FLVCR1: variants seen among roughly 807,000 people sequenced by gnomAD.
FLVCR1 encodes the protein FLVCR choline and heme transporter 1.
In FLVCR1, 34 loss-of-function variants were observed where a neutral mutation model predicts 53.6. The observed-to-expected ratio is 0.63, with a 90% CI of 0.48 to 0.84. FLVCR1 has a LOEUF of 0.84. Among genes scored for constraint, FLVCR1 ranks in the 40% least tolerant of loss-of-function variants. The pLI is 0.00. For synonymous variants in FLVCR1, 300 were observed against 286.3 expected, an observed-to-expected ratio of 1.05 and a Z score of -0.48; for missense variants, 677 against 696.7, an observed-to-expected ratio of 0.97 and a Z score of 0.32.
chr1:212,859,075 GC>G lies in FLVCR1; in HGVS notation c.624del (p.Leu209CysfsTer51). 3 of 1,613,598 alleles carry G rather than the reference GC, an allele frequency of 1.9e-6. No homozygotes were observed. The highest frequency in any genetic ancestry group is 2.5e-6 in the Non-Finnish European group (3 of 1,179,770). On this transcript the variant is annotated frameshift_variant, in exon 1 of 10. Transcript: ENST00000366971. LOFTEE classifies it high-confidence loss of function. ...TTCTGGGTCACCATGTTGGGCCAGT[GC>G]TTGTGCTCGGTGGCCCAGGTGTTCA... ...HLFWVTMLGQCLCSVAQVFIL... is the reference protein window; with the variant it reads ...HLFWVTMLGQXLCSVAQVFIL...
chr1:212,895,265 C>T lies in FLVCR1; in HGVS notation c.1643C>T (p.Ser548Phe). The T allele has an allele frequency of 6.2e-7, 1 of 1,613,262 alleles. No individual in the cohort carries two copies. Among genetic ancestry groups the T allele is most frequent in the Non-Finnish European group, 8.5e-7 (1 of 1,179,402 alleles). ...CAAGAACCAAAAACGGTTATGTTGTCCAAGCAGTCAGAATCAGCAATTTGA... is the reference window on the plus strand; with the variant it reads ...CAAGAACCAAAAACGGTTATGTTGTTCAAGCAGTCAGAATCAGCAATTTGA... ...TDQEPKTVML[S>F]KQSESAI is the part of the protein sequence containing the mutation. The change falls in exon 10 of 10, where the codon TCC becomes TTC. Residue 548 changes from serine (S) to phenylalanine (F), a missense_variant. Transcript: ENST00000366971.
chr1:212,896,356 T>G lies in FLVCR1; in HGVS notation c.*1066T>G, dbSNP rs1665335364. ...TATCATTTTTATGACCATTCTCCTT[T>G]GAGGAATACTATGCCCAGGTACATG... On this transcript the variant is annotated 3_prime_UTR_variant, in exon 10 of 10. Transcript: ENST00000366971. 1 of 152,198 alleles carries G rather than the reference T, an allele frequency of 6.6e-6. No homozygotes were observed. The highest frequency in any genetic ancestry group is 6.5e-5 in the Admixed American group (1 of 15,276). 9.4% of individuals were successfully genotyped at this position (152,198 alleles called of 1,614,324 possible).
Position 212,872,724 on chromosome 1 carries a change from T to C in FLVCR1, c.930T>C (p.Ala310=). 1.9e-6 allele frequency: 3 copies of C among 1,613,940 alleles called. No individual in the cohort carries two copies. The highest frequency in any genetic ancestry group is 2.5e-6 in the Non-Finnish European group (3 of 1,179,858). Residue 310 remains alanine, a synonymous_variant, in exon 3 of 10, where the codon GCT becomes GCC. Transcript: ENST00000366971. The part of the protein sequence containing the change: ...PRYPPSQAQA[A]LQDSPPEEYS... ...ATCCACCAAGTCAGGCTCAAGCAGCTCTTCAAGACAGTCCCCCTGAAGAGT... is the reference window on the plus strand; with the variant it reads ...ATCCACCAAGTCAGGCTCAAGCAGCCCTTCAAGACAGTCCCCCTGAAGAGT...
At chr1:212,873,197 C>T (rs1234689459) in intron 3 of FLVCR1, among the ~76,000 whole-genome samples, 4 of 151,704 alleles carry the variant, frequency 2.6e-5, no homozygotes, top group Non-Finnish European at 5.9e-5. Flanking sequence ...CCTGTAATCC[C>T]GGCTACTCAG....
intron 3 of FLVCR1, among the ~76,000 whole-genome samples, chr1:212,880,277 G>T (rs1261007442): frequency 6.6e-6 from 1 of 152,202 alleles, no homozygotes. Flanking sequence ...AACAGGGATT[G>T]TAATGGAACA....
chr1:212,872,718 A>G lies in FLVCR1; in HGVS notation c.924A>G (p.Gln308=), dbSNP rs1271718948. 6.2e-7 allele frequency: 1 copy of G among 1,613,856 alleles called. No homozygotes were observed. The highest frequency in any genetic ancestry group is 1.3e-5 in the African/African-American group (1 of 74,990). Residue 308 remains glutamine (Q), a synonymous_variant, in exon 3 of 10, where the codon CAA becomes CAG. Transcript: ENST00000366971. ...EKPRYPPSQA[Q]AALQDSPPEE... ...CTCGGTATCCACCAAGTCAGGCTCA[A>G]GCAGCTCTTCAAGACAGTCCCCCTG...
In FLVCR1 at chr1:212,858,779, G is replaced by T. The variant is rs1291160597; in HGVS notation, c.327G>T (p.Val109=). The change falls in exon 1 of 10, where the codon GTG becomes GTT. Residue 109 remains valine (V), a synonymous_variant. Transcript: ENST00000366971. ...PLTALSPRRF[V]VLLIFSLYSL... ...CGGCGCTCTCCCCGCGGCGCTTCGT[G>T]GTGCTCCTGATCTTCAGCCTGTACT... 1 of 1,614,138 alleles carries T rather than the reference G, an allele frequency of 6.2e-7. No individual in the cohort carries two copies. The highest frequency in any genetic ancestry group is 1.7e-5 in the Admixed American group (1 of 60,032).
rs562181787 is a variant in FLVCR1, at chr1:212,863,457, C to T, written c.739-268C>T. 1.8e-3 allele frequency among the ~76,000 whole-genome samples: 279 copies of T among 151,914 alleles called. 2 individuals carry two copies. Among genetic ancestry groups the T allele is most frequent in the South Asian group, 0.018 (86 of 4,806 alleles). ...TACAAAAATTAGCTGGGCGTTGTGGCGCGCGCCTGTAATCCCAGCTACTCA... is the reference window on the plus strand; with the variant it reads ...TACAAAAATTAGCTGGGCGTTGTGGTGCGCGCCTGTAATCCCAGCTACTCA... On this transcript the variant is annotated intron_variant, in intron 1 of 9. Coordinates refer to ENST00000366971, the MANE Select transcript of FLVCR1 (RefSeq NM_014053.4).
intron 3 of FLVCR1, among the ~76,000 whole-genome samples, chr1:212,875,141 ATG>A (rs10604828): frequency 0.46 from 70,360 of 151,962 alleles, 17,513 homozygotes; most frequent in East Asian, 0.56. Context: ...TACCAACTAA[ATG>A]TATAGTAGTG....
At chr1:212,862,803 T>C (rs41296708) in intron 1 of FLVCR1, among the ~76,000 whole-genome samples, 17 of 152,330 alleles carry the variant, frequency 1.1e-4, no homozygotes, top group Admixed American at 9.8e-4. Context: ...CCACCAGCCG[T>C]ATTCAAGGGT....
At chr1:212,881,167 T>C (rs1170043881) in intron 3 of FLVCR1, among the ~76,000 whole-genome samples, 2 of 152,180 alleles carry the variant, frequency 1.3e-5, no homozygotes, top group Admixed American at 1.3e-4. Flanking sequence ...AAAAATAAAC[T>C]AAAATTAGAA....
chr1:212,858,837 A>G lies in FLVCR1; in HGVS notation c.385A>G (p.Ser129Gly), dbSNP rs781057835. ...LVNAFQWIQY[S>G]IISNVFEGFY... is the part of the protein sequence containing the mutation. ...CAACGCCTTTCAGTGGATCCAGTAC[A>G]GCATCATTAGCAACGTCTTCGAGGG... Residue 129 changes from serine (S) to glycine (G), a missense_variant, in exon 1 of 10, where the codon AGC (serine) becomes GGC (glycine). Transcript: ENST00000366971. 2.5e-6 allele frequency: 4 copies of G among 1,614,086 alleles called. No individual in the cohort carries two copies. In the East Asian group the frequency reaches 6.7e-5, roughly 27 times the overall value.
At chr1:212,886,379 A>T (rs1665066156) in intron 5 of FLVCR1, among the ~76,000 whole-genome samples, 1 of 152,196 alleles carries the variant, frequency 6.6e-6, no homozygotes, top group Admixed American at 6.5e-5. Context: ...GCTTAAATAC[A>T]AAAACAAAAA....
At chr1:212,886,250 C>G (rs1331334952) in intron 5 of FLVCR1, among the ~76,000 whole-genome samples, 1 of 151,402 alleles carries the variant, frequency 6.6e-6, no homozygotes, top group East Asian at 2.0e-4. Context: ...ACCATGTTGC[C>G]CAGGCTGATT....
Position 212,885,274 on chromosome 1 carries a change from T to G in FLVCR1, c.1093-19T>G. The stretch of plus-strand genomic sequence containing the variant: ...TTAATCCATTTATTTGATCAACTTC[T>G]TACGCAAATTTTTTTCAGGGAGAAG... On this transcript the variant is annotated intron_variant, in intron 4 of 9. Transcript: ENST00000366971. 3.2e-6 allele frequency: 5 copies of G among 1,572,088 alleles called. No individual in the cohort carries two copies. The highest frequency in any genetic ancestry group is 4.4e-6 in the Non-Finnish European group (5 of 1,141,704).
intron 2 of FLVCR1, among the ~76,000 whole-genome samples, chr1:212,865,622 A>G (rs577423063): frequency 1.3e-5 from 2 of 150,460 alleles, no homozygotes; most frequent in East Asian, 4.0e-4. Flanking sequence ...AGCTGGGCTT[A>G]CAGGCATGCA....
chr1:212,876,517 C>T (rs1418886730), intron 3 of FLVCR1, among the ~76,000 whole-genome samples: 2 of 152,022 alleles, frequency 1.3e-5, no homozygotes, highest in Non-Finnish European at 2.9e-5. Context: ...AGGCAAGTGC[C>T]AACACGTCCA....
chr1:212,866,800 C>CT (rs1327415439), intron 2 of FLVCR1, among the ~76,000 whole-genome samples: 1 of 152,152 alleles, frequency 6.6e-6, no homozygotes, highest in Non-Finnish European at 1.5e-5. Context: ...AACAAAGGCT[C>CT]TTTGTCAACT....
intron 2 of FLVCR1, among the ~76,000 whole-genome samples, chr1:212,868,762 A>G (rs1267624477): frequency 2.0e-5 from 3 of 152,034 alleles, no homozygotes; most frequent in Non-Finnish European, 4.4e-5. Flanking sequence ...AGAATTTCAA[A>G]CTCCTGAGGC....
Sources: gnomAD v4.1 joint callset for allele counts (sites outside exome capture counted in the v4.1 genomes callset) on GRCh38, gnomAD v4.1.1 for gene constraint, MANE v1.5 for transcripts, NCBI Gene and HGNC (gene_info 2026-07-23, HGNC 2026-07-21) for gene names.